LHFPL6: variants seen among roughly 807,000 people sequenced by gnomAD.
LHFPL6 encodes the protein LHFPL tetraspan subfamily member 6, also known as LHFPL tetraspan subfamily member 6 protein.
LHFPL6 carries 9 observed loss-of-function variants against 20.6 expected under a neutral mutation model. That is an observed-to-expected ratio of 0.44 (90% confidence interval 0.26 to 0.76). The LOEUF is 0.76. LHFPL6 is among the 30% of genes least tolerant of loss of function. LHFPL6 has a pLI of 0.20. For synonymous variants in LHFPL6, 105 were observed against 98.7 expected, an observed-to-expected ratio of 1.06 and a Z score of -0.38; for missense variants, 218 against 253.5, an observed-to-expected ratio of 0.86 and a Z score of 0.95.
chr13:39,540,973 GTTAATAC>G (rs951596553), intron 2 of LHFPL6, among the ~76,000 whole-genome samples: 6 of 152,174 alleles, frequency 3.9e-5, no homozygotes, highest in African/African-American at 1.4e-4. Context: ...AACAAGAATA[GTTAATAC>G]TTAACAAGTA....
chr13:39,402,969 A>AT (rs1169851669), intron 2 of LHFPL6, among the ~76,000 whole-genome samples: 1 of 152,152 alleles, frequency 6.6e-6, no homozygotes. Context: ...CCTCACTTTG[A>AT]TTTTCTCTTG....
intron 3 of LHFPL6, among the ~76,000 whole-genome samples, chr13:39,363,403 G>A (rs2138346895): frequency 1.3e-5 from 2 of 152,234 alleles, no homozygotes; most frequent in South Asian, 4.1e-4. Context: ...GATCATTTAG[G>A]TCATGGGTTG....
At position 39,487,631 on chromosome 13, in the gene LHFPL6, T is replaced by C. The variant is rs12585795; in HGVS notation, c.386-109105A>G. Among the ~76,000 whole-genome samples, 179 of 152,342 alleles carry C rather than the reference T, an allele frequency of 1.2e-3. 1 individual carries two copies. In the East Asian group the frequency reaches 0.028, roughly 24 times the overall value. Reference sequence around the variant, plus strand: ...TCCCACATTAATGTACTATATATGGTCCATAGGATTATGTCAGAGACTTTG... The same window carrying C: ...TCCCACATTAATGTACTATATATGGCCCATAGGATTATGTCAGAGACTTTG... On this transcript the variant is annotated intron_variant, in intron 2 of 3. Coordinates refer to ENST00000379589, the MANE Select transcript of LHFPL6 (RefSeq NM_005780.3).
chr13:39,601,103 C>T lies in LHFPL6; in HGVS notation c.114G>A (p.Leu38=), dbSNP rs1208663702. Residue 38 remains leucine (L), a synonymous_variant, in exon 2 of 4, where the codon CTG becomes CTA. Transcript: ENST00000379589. The part of the protein sequence containing the change: ...FMPYWLWGSQ[L]GKPVSFGTFR... The stretch of plus-strand genomic sequence containing the variant: ...AGGTACCGAAGGACACAGGCTTGCC[C>T]AGCTGTGATCCCCAGAGCCAGTAAG... The T allele has an allele frequency of 6.2e-7, 1 of 1,614,194 alleles. No homozygotes were observed. Among genetic ancestry groups the T allele is most frequent in the East Asian group, 2.2e-5 (1 of 44,876 alleles).
In LHFPL6 at chr13:39,541,816, G is replaced by T. The variant is rs73466818; in HGVS notation, c.385+59016C>A. ...AATGCATGGGACAGGTTGGCTGGGT[G>T]CAGTGGCTCACGCCTGTAATCCCAG... On this transcript the variant is annotated intron_variant, in intron 2 of 3. Coordinates refer to ENST00000379589, the MANE Select transcript of LHFPL6 (RefSeq NM_005780.3). Among the ~76,000 whole-genome samples, 426 of 151,234 alleles carry T rather than the reference G, an allele frequency of 2.8e-3. 1 individual carries two copies. Among genetic ancestry groups the T allele is most frequent in the African/African-American group, 9.9e-3 (409 of 41,166 alleles).
intron 2 of LHFPL6, among the ~76,000 whole-genome samples, chr13:39,599,255 T>C (rs2324350): frequency 1 from 152,264 of 152,382 alleles, 76,073 homozygotes; most frequent in Non-Finnish European, 1. Context: ...ATGAAACTGC[T>C]TAAGCATTTT....
chr13:39,556,853 T>C (rs538712534), intron 2 of LHFPL6, among the ~76,000 whole-genome samples: 2 of 149,202 alleles, frequency 1.3e-5, no homozygotes, highest in Non-Finnish European at 3.0e-5. Flanking sequence ...TCCCAGCTAC[T>C]CAAGAGGCTG....
At chr13:39,512,375 T>G (rs919986628) in intron 2 of LHFPL6, among the ~76,000 whole-genome samples, 1 of 151,996 alleles carries the variant, frequency 6.6e-6, no homozygotes, top group Non-Finnish European at 1.5e-5. Flanking sequence ...GGCGGAGGCG[T>G]GTGGATCACG....
chr13:39,400,088 T>C (rs1364333934), intron 2 of LHFPL6, among the ~76,000 whole-genome samples: 2 of 152,118 alleles, frequency 1.3e-5, no homozygotes, highest in Non-Finnish European at 2.9e-5. Flanking sequence ...AGCAAAACTC[T>C]GTCTCAAAAC....
intron 2 of LHFPL6, among the ~76,000 whole-genome samples, chr13:39,593,761 AACAG>A (rs1311912266): frequency 2.5e-4 from 38 of 151,154 alleles, no homozygotes; most frequent in Non-Finnish European, 4.8e-4. Flanking sequence ...CTGGTACCAA[AACAG>A]AGATATAGAT....
chr13:39,366,867 T>G (rs981681585), intron 3 of LHFPL6, among the ~76,000 whole-genome samples: 3 of 152,222 alleles, frequency 2.0e-5, no homozygotes, highest in East Asian at 3.8e-4. Flanking sequence ...CAATAAAATC[T>G]GCCCAATCTT....
chr13:39,527,201 T>C (rs574682528), intron 2 of LHFPL6, among the ~76,000 whole-genome samples: 3 of 152,358 alleles, frequency 2.0e-5, no homozygotes, highest in African/African-American at 7.2e-5. Flanking sequence ...GATTTCTTAC[T>C]GAATGATGAC....
At chr13:39,419,158 G>C (rs376368238) in intron 2 of LHFPL6, among the ~76,000 whole-genome samples, 1 of 152,146 alleles carries the variant, frequency 6.6e-6, no homozygotes, top group African/African-American at 2.4e-5. Context: ...ACAAAACCCA[G>C]AACAGGCTGC....
At chr13:39,417,395 T>C (rs500579) in intron 2 of LHFPL6, among the ~76,000 whole-genome samples, 8,323 of 151,552 alleles carry the variant, frequency 0.055, 767 homozygotes, top group East Asian at 0.43. Context: ...GAAGCTGACA[T>C]TCCTCAAAGC....
At chr13:39,497,939 T>C (rs2138460603) in intron 2 of LHFPL6, among the ~76,000 whole-genome samples, 1 of 152,338 alleles carries the variant, frequency 6.6e-6, no homozygotes, top group South Asian at 2.1e-4. Context: ...ATGAAGACAC[T>C]GATTTTAGTG....
intron 2 of LHFPL6, among the ~76,000 whole-genome samples, chr13:39,557,459 T>A (rs1394960237): frequency 6.6e-6 from 1 of 152,164 alleles, no homozygotes; most frequent in Non-Finnish European, 1.5e-5. Context: ...ACTAGGGCAG[T>A]GTGGAGGGAA....
intron 1 of LHFPL6, among the ~76,000 whole-genome samples, chr13:39,602,564 G>C (rs1296855179): frequency 6.6e-6 from 1 of 152,152 alleles, no homozygotes; most frequent in East Asian, 1.9e-4. Flanking sequence ...GCCAAGACAA[G>C]CCCATATTTA....
At chr13:39,405,592 T>A (rs1296185250) in intron 2 of LHFPL6, among the ~76,000 whole-genome samples, 1 of 152,160 alleles carries the variant, frequency 6.6e-6, no homozygotes, top group Non-Finnish European at 1.5e-5. Flanking sequence ...ATTCCTACAT[T>A]CAGCATGAAC....
intron 2 of LHFPL6, among the ~76,000 whole-genome samples, chr13:39,549,829 A>T (rs2138510976): frequency 6.6e-6 from 1 of 152,244 alleles, no homozygotes; most frequent in East Asian, 1.9e-4. Flanking sequence ...ATGGTATACT[A>T]CTCAGCAATA....
Sources: allele counts gnomAD v4.1 joint callset (sites outside exome capture counted in the v4.1 genomes callset), GRCh38; gene constraint gnomAD v4.1.1; transcripts MANE v1.5; gene names NCBI Gene and HGNC (gene_info 2026-07-23, HGNC 2026-07-21).